Variants in DLG2 observed in about 807,000 individuals in gnomAD.
The protein encoded by DLG2 is discs large MAGUK scaffold protein 2.
Under a neutral mutation model 132.5 loss-of-function variants are expected in DLG2, and 45 were observed. The ratio of observed to expected loss-of-function variants is 0.34; its 90% CI spans 0.27 to 0.44. DLG2 has a LOEUF of 0.44. DLG2 is among the 20% of genes least tolerant of loss of function. The probability of loss-of-function intolerance (pLI) is 1.00; values close to 1 mark genes in which losing one functional copy is unlikely to be tolerated. For missense variants in DLG2, 1,045 were observed against 1,196.9 expected, an observed-to-expected ratio of 0.87 and a Z score of 1.87; for synonymous variants, 424 against 419.6, an observed-to-expected ratio of 1.01 and a Z score of -0.13.
At chr11:83,494,498 G>A (rs2094041548) in intron 21 of DLG2, among the ~76,000 whole-genome samples, 1 of 151,194 alleles carries the variant, frequency 6.6e-6, no homozygotes, top group South Asian at 2.1e-4. Flanking sequence ...CGTCCCACAA[G>A]ATGAAGGAAC....
At chr11:84,176,819 T>C (rs1279500696) in intron 8 of DLG2, among the ~76,000 whole-genome samples, 2 of 152,136 alleles carry the variant, frequency 1.3e-5, no homozygotes, top group African/African-American at 4.8e-5. Context: ...AGGATAAGTT[T>C]CTAACAGTTC....
intron 18 of DLG2, among the ~76,000 whole-genome samples, chr11:83,633,953 C>A (rs866029106): frequency 1.2e-4 from 17 of 136,698 alleles, no homozygotes; most frequent in African/African-American, 6.1e-4. Flanking sequence ...AAGCAAAAAG[C>A]AAAAAACAAA....
intron 5 of DLG2, among the ~76,000 whole-genome samples, chr11:85,148,864 A>C (rs531015309): frequency 1.2e-4 from 19 of 152,284 alleles, no homozygotes; most frequent in Non-Finnish European, 2.1e-4. Context: ...GTTTTTATCC[A>C]AGGTTTTTAT....
chr11:84,759,158 T>A (rs913517740), intron 6 of DLG2, among the ~76,000 whole-genome samples: 1 of 152,104 alleles, frequency 6.6e-6, no homozygotes, highest in African/African-American at 2.4e-5. Context: ...GATTACAGGC[T>A]TGAGACACTG....
intron 6 of DLG2, among the ~76,000 whole-genome samples, chr11:84,794,079 G>A (rs913811576): frequency 6.6e-6 from 1 of 151,956 alleles, no homozygotes. Context: ...GTTTTTTGAT[G>A]TGAAGTTACC....
chr11:83,908,989 T>G (rs1447379359), intron 15 of DLG2, among the ~76,000 whole-genome samples: 3 of 152,172 alleles, frequency 2.0e-5, no homozygotes, highest in Non-Finnish European at 2.9e-5. Flanking sequence ...TGTCTCAGCC[T>G]CCCAGAGTGT....
chr11:84,597,453 A>G (rs2099564749), intron 6 of DLG2, among the ~76,000 whole-genome samples: 1 of 152,186 alleles, frequency 6.6e-6, no homozygotes, highest in Non-Finnish European at 1.5e-5. Flanking sequence ...GAATCCAAAA[A>G]TTATGTCAAA....
chr11:84,360,322 T>A (rs2098642472), intron 7 of DLG2, among the ~76,000 whole-genome samples: 3 of 151,842 alleles, frequency 2.0e-5, no homozygotes, highest in African/African-American at 7.2e-5. Context: ...ACTGGTTAAA[T>A]TCAAATAAAT....
At chr11:84,993,270 G>C (rs371086890) in intron 6 of DLG2, among the ~76,000 whole-genome samples, 1 of 152,152 alleles carries the variant, frequency 6.6e-6, no homozygotes, top group Non-Finnish European at 1.5e-5. Context: ...CGGAGGGTGG[G>C]GGGCAAGGAG....
intron 16 of DLG2, among the ~76,000 whole-genome samples, chr11:83,852,685 T>G (rs535980606): frequency 6.6e-6 from 1 of 152,354 alleles, no homozygotes; most frequent in Admixed American, 6.5e-5. Flanking sequence ...ATCACAGGTG[T>G]TGTCCTGTAT....
intron 3 of DLG2, among the ~76,000 whole-genome samples, chr11:85,466,714 C>A (rs576449825): frequency 7.3e-4 from 111 of 152,196 alleles, no homozygotes; most frequent in African/African-American, 2.6e-3. Context: ...TTACTATAGC[C>A]TTGTAGTATA....
intron 21 of DLG2, among the ~76,000 whole-genome samples, chr11:83,520,698 GATA>G (rs1565616989): frequency 0.021 from 1,631 of 78,258 alleles, 32 homozygotes; most frequent in African/African-American, 0.088. Flanking sequence ...TAGGTAGGTA[GATA>G]GATAGATAGA....
At position 84,502,378 on chromosome 11, in the gene DLG2, CTT is replaced by C. The variant is rs1235301892; in HGVS notation, c.519+32190_519+32191del. Among the ~76,000 whole-genome samples, 431 of 87,286 alleles carry C rather than the reference CTT, an allele frequency of 4.9e-3. 1 individual carries two copies. Among genetic ancestry groups the C allele is most frequent in the Middle Eastern group, 0.015 (3 of 204 alleles). 57.3% of individuals were successfully genotyped at this position (87,286 alleles called of 152,430 possible). On this transcript the variant is annotated intron_variant, in intron 7 of 27. Coordinates refer to ENST00000376104, the MANE Select transcript of DLG2 (RefSeq NM_001142699.3). ...TCTTTCTTTCTTTCTTTCTTTCTTT[CTT>C]TCTTTCTTTCTTTCTTTCTTTCTTT...
chr11:83,999,458 T>C (rs544915092), intron 11 of DLG2, among the ~76,000 whole-genome samples: 5 of 152,246 alleles, frequency 3.3e-5, no homozygotes, highest in Admixed American at 6.5e-5. Flanking sequence ...CCATTGTCCA[T>C]GCCATGCCAA....
chr11:85,620,524 T>C (rs141959620), intron 2 of DLG2, among the ~76,000 whole-genome samples: 216 of 152,290 alleles, frequency 1.4e-3, no homozygotes, highest in African/African-American at 4.9e-3. Context: ...AATAGCCAAG[T>C]TGTGAATGCA....
At chr11:85,001,350 A>G (rs1347365250) in intron 6 of DLG2, among the ~76,000 whole-genome samples, 1 of 152,164 alleles carries the variant, frequency 6.6e-6, no homozygotes, top group African/African-American at 2.4e-5. Flanking sequence ...TAAGAGCTTG[A>G]ATAAACCACA....
chr11:85,393,682 T>C (rs1374128134), intron 3 of DLG2, among the ~76,000 whole-genome samples: 4 of 151,476 alleles, frequency 2.6e-5, no homozygotes, highest in Non-Finnish European at 5.9e-5. Flanking sequence ...GCAGCAAATG[T>C]CATTATTTCA....
At chr11:85,108,362 ATTAAT>A (rs1244310334) in intron 6 of DLG2, among the ~76,000 whole-genome samples, 1 of 152,086 alleles carries the variant, frequency 6.6e-6, no homozygotes, top group Non-Finnish European at 1.5e-5. Flanking sequence ...GTAAGTATGA[ATTAAT>A]TTATTTATAA....
intron 17 of DLG2, chr11:83,790,681 G>A: frequency 1.1e-6 from 1 of 882,846 alleles, no homozygotes; most frequent in Non-Finnish European, 1.9e-6. Context: ...CCCACTCTGG[G>A]GCTCTGCAAC....
Sources: gnomAD v4.1 joint callset for allele counts (sites outside exome capture counted in the v4.1 genomes callset) on GRCh38, gnomAD v4.1.1 for gene constraint, MANE v1.5 for transcripts, NCBI Gene and HGNC (gene_info 2026-07-23, HGNC 2026-07-21) for gene names.